The following CHLSN variants were observed in gnomAD, a reference collection of about 807,000 sequenced individuals.
CHLSN encodes the protein cholesin, also known as protein cholesin.
the CHLSN span, among the ~76,000 whole-genome samples, chr7:1,080,600 C>T: frequency 6.6e-6 from 1 of 152,236 alleles, no homozygotes; most frequent in Non-Finnish European, 1.5e-5. Context: ...CCTGCGAGCA[C>T]CGTGCTTCCA....
chr7:1,115,006 G>C, the CHLSN span, among the ~76,000 whole-genome samples: 10 of 152,330 alleles, frequency 6.6e-5, no homozygotes, highest in East Asian at 1.9e-3. Context: ...ATGCCTGTGG[G>C]GGTCCTGTTT....
the CHLSN span, chr7:1,059,321 G>C: frequency 6.4e-6 from 1 of 157,130 alleles, no homozygotes; most frequent in African/African-American, 2.4e-5. Flanking sequence ...GAGGGCTGGA[G>C]GCTGTGTCAC....
At chr7:1,009,127 GGGTCATCTCTCCGAGGA>G in the CHLSN span, among the ~76,000 whole-genome samples, 105 of 152,276 alleles carry the variant, frequency 6.9e-4, 2 homozygotes, top group South Asian at 0.011. Flanking sequence ...GCCACACTGG[GGGTCATCTCTCCGAGGA>G]GGTCATCTCT....
At chr7:1,116,283 C>T in the CHLSN span, among the ~76,000 whole-genome samples, 3 of 146,382 alleles carry the variant, frequency 2.0e-5, no homozygotes, top group African/African-American at 7.9e-5. Context: ...CACCAAGGCC[C>T]ACGCAGGATG....
the CHLSN span, among the ~76,000 whole-genome samples, chr7:982,003 C>T: frequency 1.3e-5 from 2 of 152,172 alleles, no homozygotes; most frequent in Non-Finnish European, 2.9e-5. Flanking sequence ...CACGGTAATC[C>T]AGCCTGGGCA....
chr7:997,513 G>C, the CHLSN span: 1 of 962,606 alleles, frequency 1.0e-6, no homozygotes. Context: ...GAAAGCCCTT[G>C]CTCAGCCGCT....
At chr7:1,053,767 C>T in the CHLSN span, among the ~76,000 whole-genome samples, 1 of 152,206 alleles carries the variant, frequency 6.6e-6, no homozygotes, top group Non-Finnish European at 1.5e-5. Context: ...GCGGAGGTTG[C>T]AGTGAGCTGA....
At chr7:981,584 T>C in the CHLSN span, among the ~76,000 whole-genome samples, 1 of 151,906 alleles carries the variant, frequency 6.6e-6, no homozygotes, top group African/African-American at 2.4e-5. Flanking sequence ...TGTGGTGGCA[T>C]GTGCCTGTAA....
chr7:1,131,416 C>A, the CHLSN span, among the ~76,000 whole-genome samples: 1 of 152,150 alleles, frequency 6.6e-6, no homozygotes, highest in African/African-American at 2.4e-5. Flanking sequence ...AGAGCAAAGG[C>A]CCTGTCCAAA....
the CHLSN span, chr7:1,082,117 T>C: frequency 7.2e-5 from 11 of 152,284 alleles, no homozygotes; most frequent in Non-Finnish European, 1.5e-4. Flanking sequence ...CTTTCAGACC[T>C]GCAGTCCATG....
At chr7:1,061,626 G>A in the CHLSN span, among the ~76,000 whole-genome samples, 1 of 152,102 alleles carries the variant, frequency 6.6e-6, no homozygotes, top group Non-Finnish European at 1.5e-5. Context: ...TGAGCCTCCT[G>A]CCGCCCCTGA....
chr7:1,070,361 G>C, the CHLSN span, among the ~76,000 whole-genome samples: 2 of 130,868 alleles, frequency 1.5e-5, no homozygotes, highest in East Asian at 4.1e-4. Context: ...AGGTGGGGGG[G>C]TCAGCCCCCC....
the CHLSN span, among the ~76,000 whole-genome samples, chr7:1,012,104 C>G: frequency 7.2e-5 from 11 of 152,272 alleles, no homozygotes; most frequent in Admixed American, 6.5e-5. Flanking sequence ...AAGGTAAAAA[C>G]CCTCCTGGCA....
chr7:1,134,770 G>A, the CHLSN span, among the ~76,000 whole-genome samples: 3 of 151,120 alleles, frequency 2.0e-5, no homozygotes, highest in African/African-American at 4.9e-5. Flanking sequence ...TCAGCTACTC[G>A]GGAGGCTGAG....
At chr7:1,012,295 T>C in the CHLSN span, among the ~76,000 whole-genome samples, 1 of 152,076 alleles carries the variant, frequency 6.6e-6, no homozygotes, top group Admixed American at 6.5e-5. Context: ...TGTGGTAGGG[T>C]CCCAGGTTGG....
the CHLSN span, among the ~76,000 whole-genome samples, chr7:1,024,015 AT>A: frequency 4.6e-5 from 7 of 152,218 alleles, no homozygotes; most frequent in Admixed American, 3.3e-4. Flanking sequence ...CAGTTTTTAA[AT>A]TTTTTATAGA....
chr7:1,029,278 C>T, the CHLSN span, among the ~76,000 whole-genome samples: 1 of 152,112 alleles, frequency 6.6e-6, no homozygotes, highest in Non-Finnish European at 1.5e-5. Context: ...CAGGAGTGCA[C>T]CACTGTGTCC....
At chr7:1,127,345 T>C in the CHLSN span, 3 of 1,609,316 alleles carry the variant, frequency 1.9e-6, no homozygotes, top group Non-Finnish European at 2.5e-6. Flanking sequence ...TTTGTTCTTT[T>C]TCTCTGTCAC....
the CHLSN span, among the ~76,000 whole-genome samples, chr7:1,030,254 C>T: frequency 6.6e-6 from 1 of 152,226 alleles, no homozygotes; most frequent in African/African-American, 2.4e-5. Flanking sequence ...ACGCGCCAAT[C>T]CTGCTCATAT....
Sources: gnomAD v4.1 joint callset for allele counts (sites outside exome capture counted in the v4.1 genomes callset) on GRCh38, gnomAD v4.1.1 for gene constraint, MANE v1.5 for transcripts, NCBI Gene and HGNC (gene_info 2026-07-23, HGNC 2026-07-21) for gene names.